Variants in SNX13 observed in about 807,000 individuals in gnomAD.
SNX13 encodes the protein sorting nexin-13.
In SNX13, 45 loss-of-function variants were observed where a neutral mutation model predicts 133.6. That is an observed-to-expected ratio of 0.34 (90% CI 0.27 to 0.43). The LOEUF is 0.43. SNX13 is among the 20% of genes least tolerant of loss of function. The pLI, the probability that SNX13 is intolerant of heterozygous loss-of-function variation, is 1.00. For synonymous variants in SNX13, 414 were observed against 373.9 expected (o/e 1.11, Z -1.24); for missense variants, 1,032 against 1,145.1 (o/e 0.90, Z 1.43).
intron 1 of SNX13, among the ~76,000 whole-genome samples, chr7:17,936,589 C>G (rs997453390): frequency 6.6e-6 from 1 of 152,140 alleles, no homozygotes; most frequent in Non-Finnish European, 1.5e-5. Flanking sequence ...GGAATGTATT[C>G]AGCACATTTT....
At chr7:17,801,421 T>G (rs569817865) in intron 22 of SNX13, among the ~76,000 whole-genome samples, 167 bp downstream of exon 22, 3 of 151,906 alleles carry the variant, frequency 2.0e-5, no homozygotes, top group Admixed American at 6.6e-5. Context: ...TCTTATTTTT[T>G]GATTAGAGTG....
At chr7:17,910,938 A>G (rs558861120) in intron 1 of SNX13, among the ~76,000 whole-genome samples, 2 of 152,342 alleles carry the variant, frequency 1.3e-5, no homozygotes, top group Non-Finnish European at 2.9e-5. Context: ...TTTTAGGGTG[A>G]TAAAAATGTT....
chr7:17,892,081 G>A (rs1007842706), intron 3 of SNX13, among the ~76,000 whole-genome samples: 1 of 151,898 alleles, frequency 6.6e-6, no homozygotes, highest in Non-Finnish European at 1.5e-5. Context: ...TTAAGAAAAT[G>A]TACTTCTCTA....
chr7:17,930,566 A>C (rs544244811), intron 1 of SNX13, among the ~76,000 whole-genome samples: 1 of 152,310 alleles, frequency 6.6e-6, no homozygotes, highest in Non-Finnish European at 1.5e-5. Context: ...CAGATTCATA[A>C]AATACATTTT....
chr7:17,831,241 T>C (rs1788449353), intron 15 of SNX13: 1 of 983,772 alleles, frequency 1.0e-6, no homozygotes, highest in Admixed American at 6.2e-5. Flanking sequence ...AAGAATTGGA[T>C]GACTACCTAC....
intron 8 of SNX13, among the ~76,000 whole-genome samples, chr7:17,870,104 T>C (rs1050515845): frequency 6.6e-6 from 1 of 152,166 alleles, no homozygotes; most frequent in Non-Finnish European, 1.5e-5. Context: ...TCCAAGCAAG[T>C]AGGCACTTCC....
chr7:17,845,548 A>G, intron 12 of SNX13, 47 bp downstream of exon 12: 2 of 1,275,178 alleles, frequency 1.6e-6, no homozygotes, highest in Non-Finnish European at 2.2e-6. Flanking sequence ...AAAAATCGAA[A>G]AAGAAATTCA....
At chr7:17,939,378 C>G (rs909223669) in intron 1 of SNX13, among the ~76,000 whole-genome samples, 2 of 152,198 alleles carry the variant, frequency 1.3e-5, no homozygotes, top group African/African-American at 4.8e-5. Flanking sequence ...CATCAAATCA[C>G]AAGGTTCAGT....
At chr7:17,897,882 T>C (rs1797377334) in intron 1 of SNX13, 1 of 152,146 alleles carries the variant, frequency 6.6e-6, no homozygotes, top group South Asian at 2.1e-4. Context: ...GCTCCCAATA[T>C]AACTACAGCA....
intron 1 of SNX13, chr7:17,899,857 G>A (rs1203748024): frequency 6.6e-6 from 1 of 152,136 alleles, no homozygotes; most frequent in Non-Finnish European, 1.5e-5. Flanking sequence ...TGGTCTTGAT[G>A]CTTGTGGATG....
chr7:17,900,125 A>G (rs1394806920), intron 1 of SNX13: 3 of 152,258 alleles, frequency 2.0e-5, no homozygotes, highest in Admixed American at 2.0e-4. Flanking sequence ...CTAAATTACC[A>G]GGCAGAAACT....
intron 9 of SNX13, among the ~76,000 whole-genome samples, chr7:17,860,392 G>A (rs565244384): frequency 2.5e-4 from 38 of 152,160 alleles, no homozygotes; most frequent in African/African-American, 8.7e-4. Flanking sequence ...ATTCCTAATC[G>A]GATATATGGC....
chr7:17,901,467 C>A (rs1266862122), intron 1 of SNX13, among the ~76,000 whole-genome samples: 1 of 152,146 alleles, frequency 6.6e-6, no homozygotes, highest in Non-Finnish European at 1.5e-5. Flanking sequence ...GCAAGGGTTG[C>A]TGGACTCAGG....
chr7:17,794,609 C>G (rs1297012896), intron 25 of SNX13: 2 of 204,300 alleles, frequency 9.8e-6, no homozygotes, highest in Non-Finnish European at 2.0e-5. Context: ...ACTTACCCAC[C>G]ACCCTGACTC....
At chr7:17,890,739 T>C (rs1796536641) in intron 4 of SNX13, among the ~76,000 whole-genome samples, 1 of 151,714 alleles carries the variant, frequency 6.6e-6, no homozygotes, top group Non-Finnish European at 1.5e-5. Flanking sequence ...ACACTATCTA[T>C]GGCCAAGTCC....
At chr7:17,916,077 T>A (rs184417783) in intron 1 of SNX13, among the ~76,000 whole-genome samples, 1 of 151,900 alleles carries the variant, frequency 6.6e-6, no homozygotes, top group African/African-American at 2.4e-5. Flanking sequence ...ACAAGAAAAT[T>A]ATGACAGAAA....
intron 5 of SNX13, among the ~76,000 whole-genome samples, chr7:17,884,407 GTTAAT>G: frequency 6.6e-6 from 1 of 152,274 alleles, no homozygotes; most frequent in South Asian, 2.1e-4. Flanking sequence ...TTTTTAAAAA[GTTAAT>G]TTATTTGCCA....
At chr7:17,892,725 A>C (rs1417179204) in intron 3 of SNX13, among the ~76,000 whole-genome samples, 2 of 152,176 alleles carry the variant, frequency 1.3e-5, no homozygotes, top group Non-Finnish European at 2.9e-5. Flanking sequence ...AGTTGTTATT[A>C]GCATCAACTC....
chr7:17,936,766 C>A (rs1228217804), intron 1 of SNX13, among the ~76,000 whole-genome samples: 3 of 150,448 alleles, frequency 2.0e-5, no homozygotes, highest in South Asian at 2.1e-4. Context: ...AAAACAAATT[C>A]TCAGGTAAAC....
Sources: gnomAD v4.1 joint callset for allele counts (sites outside exome capture counted in the v4.1 genomes callset) on GRCh38, gnomAD v4.1.1 for gene constraint, MANE v1.5 for transcripts, NCBI Gene and HGNC (gene_info 2026-07-23, HGNC 2026-07-21) for gene names.